The following RBFOX3 variants were observed in gnomAD, a reference collection of about 807,000 sequenced individuals.
The protein encoded by RBFOX3 is RNA binding fox-1 homolog 3, also known as RNA binding protein fox-1 homolog 3.
Under a neutral mutation model 48.7 loss-of-function variants are expected in RBFOX3, and 17 were observed. The ratio of observed to expected loss-of-function variants is 0.35; its 90% CI spans 0.24 to 0.52. The LOEUF is 0.52. RBFOX3 is among the 20% of genes least tolerant of loss of function. The probability of loss-of-function intolerance (pLI) is 0.94; values close to 1 mark genes in which losing one functional copy is unlikely to be tolerated. For synonymous variants in RBFOX3, 212 were observed against 209.5 expected, an observed-to-expected ratio of 1.01 and a Z score of -0.10; for missense variants, 382 against 497.5, an observed-to-expected ratio of 0.77 and a Z score of 2.21.
At chr17:79,385,796 G>A (rs1316398672) in intron 2 of RBFOX3, among the ~76,000 whole-genome samples, 511 of 132,330 alleles carry the variant, frequency 3.9e-3, no homozygotes, top group Middle Eastern at 0.036. Context: ...ATTACTTCCT[G>A]TAACAGATGG....
chr17:79,472,653 G>T (rs2149388282), intron 2 of RBFOX3, among the ~76,000 whole-genome samples: 1 of 152,256 alleles, frequency 6.6e-6, no homozygotes, highest in Admixed American at 6.5e-5. Context: ...ATTAACCTCT[G>T]TTGTGTGAGC....
chr17:79,589,220 C>T (rs2145038993), intron 1 of RBFOX3, among the ~76,000 whole-genome samples: 1 of 152,032 alleles, frequency 6.6e-6, no homozygotes, highest in East Asian at 1.9e-4. Flanking sequence ...TGCGCTGCGG[C>T]AGGCTGCCGT....
the RBFOX3 span, among the ~76,000 whole-genome samples, chr17:79,647,518 T>C: frequency 6.6e-6 from 1 of 152,130 alleles, no homozygotes; most frequent in African/African-American, 2.4e-5. Flanking sequence ...CGTCTAAACA[T>C]AGCTGCTTCC....
the RBFOX3 span, among the ~76,000 whole-genome samples, chr17:79,664,600 G>T: frequency 0.019 from 2,948 of 152,180 alleles, 93 homozygotes; most frequent in African/African-American, 0.068. Flanking sequence ...CACCCGCCTC[G>T]GCCTCTCAAA....
chr17:79,421,887 C>G lies in RBFOX3; in HGVS notation c.-175+60567G>C, dbSNP rs552403556. Among the ~76,000 whole-genome samples, 1 of 152,096 alleles carries G rather than the reference C, an allele frequency of 6.6e-6. No individual in the cohort carries two copies. The highest frequency in any genetic ancestry group is 6.5e-5 in the Admixed American group (1 of 15,288). Reference sequence around the variant, plus strand: ...GAGGCTCATGGGTTCCAGGAACCCACGCCCCACCCCAAGCTGCCCGGTCCT... The same window carrying G: ...GAGGCTCATGGGTTCCAGGAACCCAGGCCCCACCCCAAGCTGCCCGGTCCT... On this transcript the variant is annotated intron_variant, in intron 2 of 14. Coordinates refer to ENST00000693108, the MANE Select transcript of RBFOX3 (RefSeq NM_001350451.2). This position sits in a 1 kb window ranked among gnomAD's most constrained non-coding sequence, Gnocchi z 4.5.
intron 1 of RBFOX3, among the ~76,000 whole-genome samples, chr17:79,487,913 GAA>G (rs60345819): frequency 1.6e-4 from 12 of 76,916 alleles, no homozygotes; most frequent in African/African-American, 3.1e-4. Flanking sequence ...CCCCATCTCA[GAA>G]AAAAAAAAAA....
rs1310947180 is a variant in RBFOX3 at position 79,103,891 on chromosome 17, AAC to A, written c.414+180_414+181del. Among the ~76,000 whole-genome samples, 2 of 139,542 alleles carry A rather than the reference AAC, an allele frequency of 1.4e-5. No homozygotes were observed. The highest frequency in any genetic ancestry group is 3.1e-5 in the Non-Finnish European group (2 of 63,892). 91.5% of individuals were successfully genotyped at this position (139,542 alleles called of 152,430 possible). ...AAGAAAAAGCGGCAGCGGCAGCAAC[AAC>A]ACAGACAGCTGGGGTGGGGGCGGGG... On this transcript the variant is annotated intron_variant, in intron 7 of 14. Transcript: ENST00000693108. The surrounding 1 kb of genome is among the most constrained non-coding windows in gnomAD (Gnocchi z 6.1).
intron 2 of RBFOX3, among the ~76,000 whole-genome samples, chr17:79,316,996 A>G (rs891716228): frequency 1.3e-5 from 2 of 152,304 alleles, no homozygotes; most frequent in African/African-American, 4.8e-5. Context: ...ATGTGCACGC[A>G]CACACACAGA....
chr17:79,344,143 A>C (rs1420003992), intron 2 of RBFOX3, among the ~76,000 whole-genome samples: 1 of 152,236 alleles, frequency 6.6e-6, no homozygotes, highest in Non-Finnish European at 1.5e-5. Flanking sequence ...TTTGAGAATC[A>C]GGATGCTCAT....
At chr17:79,517,983 C>T (rs1304644337) in intron 1 of RBFOX3, among the ~76,000 whole-genome samples, 1 of 152,146 alleles carries the variant, frequency 6.6e-6, no homozygotes, top group Non-Finnish European at 1.5e-5. Context: ...GAACGAGACT[C>T]CCATAATTAC....
chr17:79,366,625 A>C (rs1435461322), intron 2 of RBFOX3, among the ~76,000 whole-genome samples: 2 of 152,270 alleles, frequency 1.3e-5, no homozygotes, highest in East Asian at 1.9e-4. Flanking sequence ...TCCATCGTGC[A>C]CAGTCGATCC....
chr17:79,637,902 C>T, the RBFOX3 span, among the ~76,000 whole-genome samples: 2 of 151,876 alleles, frequency 1.3e-5, no homozygotes, highest in South Asian at 2.1e-4. Context: ...CCTTCTCTGA[C>T]CACAATGAGA....
chr17:79,551,433 C>T (rs997598555), intron 1 of RBFOX3, among the ~76,000 whole-genome samples: 37 of 149,624 alleles, frequency 2.5e-4, no homozygotes, highest in Non-Finnish European at 3.4e-4. Flanking sequence ...ATAGATGGGT[C>T]GGTGGATGGA....
chr17:79,488,578 T>C (rs2080015716), intron 1 of RBFOX3, among the ~76,000 whole-genome samples: 1 of 152,186 alleles, frequency 6.6e-6, no homozygotes. Context: ...GCCTGGGTTC[T>C]CCTCCCAGCC....
chr17:79,484,972 G>A (rs1486335415), intron 1 of RBFOX3, among the ~76,000 whole-genome samples: 1 of 152,214 alleles, frequency 6.6e-6, no homozygotes, highest in African/African-American at 2.4e-5. Flanking sequence ...TCTGGTCCTG[G>A]AGGCGATTCC....
chr17:79,295,042 G>T (rs868227756), intron 3 of RBFOX3, among the ~76,000 whole-genome samples: 39 of 152,130 alleles, frequency 2.6e-4, no homozygotes, highest in Admixed American at 7.9e-4. Context: ...TTTCTGTGTC[G>T]CTTGAAGTCT....
At chr17:79,285,832 C>T (rs2071736150) in intron 3 of RBFOX3, among the ~76,000 whole-genome samples, 1 of 152,084 alleles carries the variant, frequency 6.6e-6, no homozygotes, top group Non-Finnish European at 1.5e-5. Context: ...TACAGGCGCC[C>T]ACCATCATGC....
At chr17:79,347,057 T>A (rs2083041097) in intron 2 of RBFOX3, among the ~76,000 whole-genome samples, 1 of 152,250 alleles carries the variant, frequency 6.6e-6, no homozygotes, top group African/African-American at 2.4e-5. Context: ...TCTCTCTTTG[T>A]TGCACTGCAT....
chr17:79,314,951 G>C (rs552912263), intron 2 of RBFOX3, among the ~76,000 whole-genome samples: 13 of 151,920 alleles, frequency 8.6e-5, no homozygotes, highest in African/African-American at 3.1e-4. Context: ...CAAAGTGTTA[G>C]TTATTGTTAA....
Sources: allele counts gnomAD v4.1 joint callset (sites outside exome capture counted in the v4.1 genomes callset), GRCh38; gene constraint gnomAD v4.1.1; non-coding constraint Gnocchi (gnomAD v3.1); transcripts MANE v1.5; gene names NCBI Gene and HGNC (gene_info 2026-07-23, HGNC 2026-07-21).